NYAP2: variants seen among roughly 807,000 people sequenced by gnomAD.
The protein encoded by NYAP2 is neuronal tyrosine-phosphorylated phosphoinositide-3-kinase adapter 2.
NYAP2 carries 23 observed loss-of-function variants against 50.4 expected under a neutral mutation model. The ratio of observed to expected loss-of-function variants is 0.46; its 90% CI spans 0.33 to 0.65. NYAP2 has a LOEUF of 0.65. NYAP2 is among the 30% of genes least tolerant of loss of function. NYAP2 has a pLI of 0.02. For synonymous variants in NYAP2, 394 were observed against 365.2 expected, an observed-to-expected ratio of 1.08 and a Z score of -0.90; for missense variants, 885 against 861.0, an observed-to-expected ratio of 1.03 and a Z score of -0.35.
At chr2:225,651,793 C>T (rs1167981502) in exon 7 of NYAP2, 9 of 516,996 alleles carry the variant, frequency 1.7e-5, no homozygotes, top group Non-Finnish European at 3.0e-5. Flanking sequence ...CTCTGGTTTC[C>T]ATCATTCTGT....
chr2:225,512,997 A>G (rs73082983), intron 3 of NYAP2, among the ~76,000 whole-genome samples: 9 of 151,930 alleles, frequency 5.9e-5, no homozygotes, highest in African/African-American at 1.9e-4. Context: ...AAAAGCAGGA[A>G]TGGTTTTGAT....
intron 4 of NYAP2, among the ~76,000 whole-genome samples, chr2:225,536,316 A>G (rs558854414): frequency 6.2e-4 from 95 of 152,300 alleles, no homozygotes; most frequent in Admixed American, 1.5e-3. Context: ...TCTTGCCCTG[A>G]AAAATTCACC....
At chr2:225,679,968 G>A in the NYAP2 span, among the ~76,000 whole-genome samples, 2 of 152,024 alleles carry the variant, frequency 1.3e-5, no homozygotes, top group Non-Finnish European at 2.9e-5. Context: ...GTAATATATA[G>A]TCATAAATAT....
chr2:225,489,707 G>T (rs1489961298), intron 3 of NYAP2, among the ~76,000 whole-genome samples: 1 of 152,168 alleles, frequency 6.6e-6, no homozygotes, highest in Non-Finnish European at 1.5e-5. Flanking sequence ...AGCCAGCAGG[G>T]TATCCTCCTT....
intron 3 of NYAP2, among the ~76,000 whole-genome samples, chr2:225,412,731 G>A (rs1695067741): frequency 6.6e-6 from 1 of 152,154 alleles, no homozygotes; most frequent in African/African-American, 2.4e-5. Flanking sequence ...AAGCTGCCAA[G>A]TGGAGAAGAG....
intron 4 of NYAP2, among the ~76,000 whole-genome samples, chr2:225,537,193 T>G (rs1166068364): frequency 1.3e-5 from 2 of 152,182 alleles, no homozygotes; most frequent in Non-Finnish European, 1.5e-5. Flanking sequence ...CTTCATTTAA[T>G]TTTTAGCTCC....
At chr2:225,567,324 G>T (rs1055164779) in intron 4 of NYAP2, among the ~76,000 whole-genome samples, 3 of 151,504 alleles carry the variant, frequency 2.0e-5, no homozygotes, top group Admixed American at 6.6e-5. Flanking sequence ...TGAAAGTGGA[G>T]GAAAGAAAAA....
In NYAP2 at chr2:225,553,807, C is replaced by T. The variant is rs141266978; in HGVS notation, c.524-28134C>T. Among the ~76,000 whole-genome samples, 24 of 152,160 alleles carry T rather than the reference C, an allele frequency of 1.6e-4. No individual in the cohort carries two copies. In the East Asian group the frequency reaches 4.3e-3, roughly 27 times the overall value. ...ATTCCAGCATTTTGGGAGGCTGAGG[C>T]GGGTGGATCACATGAGGTCAGGAGT... On this transcript the variant is annotated intron_variant, in intron 4 of 6. Transcript: ENST00000636099.
At chr2:225,657,874 A>G (rs1374738125), downstream of NYAP2, among the ~76,000 whole-genome samples, 1 of 152,216 alleles carries the variant, frequency 6.6e-6, no homozygotes, top group Non-Finnish European at 1.5e-5. Flanking sequence ...GGAATGAGAT[A>G]GCCACAGAAT....
chr2:225,445,232 T>C (rs1336803120), intron 3 of NYAP2, among the ~76,000 whole-genome samples: 1 of 152,184 alleles, frequency 6.6e-6, no homozygotes, highest in Non-Finnish European at 1.5e-5. Context: ...ACCTAAAGTA[T>C]GTAAAAATTT....
At chr2:225,424,734 T>C (rs2106129157) in intron 3 of NYAP2, among the ~76,000 whole-genome samples, 1 of 152,232 alleles carries the variant, frequency 6.6e-6, no homozygotes, top group South Asian at 2.1e-4. Context: ...ATTGACTTAG[T>C]TCTCATAAAT....
chr2:225,622,586 C>CTTT (rs1352919888), intron 5 of NYAP2, among the ~76,000 whole-genome samples: 2 of 103,622 alleles, frequency 1.9e-5, no homozygotes, highest in African/African-American at 3.6e-5. Flanking sequence ...TTTCTTCTTT[C>CTTT]TTTTTTTTTT....
At position 225,570,891 on chromosome 2, in the gene NYAP2, G is replaced by A. The variant is rs568239162; in HGVS notation, c.524-11050G>A. On this transcript the variant is annotated intron_variant, in intron 4 of 6. Transcript: ENST00000636099. ...GCAAGTCCCTTCCACCTATGAGCCT[G>A]TAAAATCAAAGCAAGTTAGTTACTT... 5.3e-5 allele frequency among the ~76,000 whole-genome samples: 8 copies of A among 152,312 alleles called. 1 individual carries two copies. The South Asian group carries it at 1.4e-3, about 28-fold the overall frequency.
At chr2:225,447,217 C>A (rs1475890038) in intron 3 of NYAP2, among the ~76,000 whole-genome samples, 1 of 152,188 alleles carries the variant, frequency 6.6e-6, no homozygotes, top group African/African-American at 2.4e-5. Flanking sequence ...CAACAGGATA[C>A]TTCCTAGTGG....
At chr2:225,668,956 C>CTTTT in the NYAP2 span, among the ~76,000 whole-genome samples, 22 of 69,570 alleles carry the variant, frequency 3.2e-4, 1 homozygote, top group African/African-American at 1.1e-3. Context: ...GTGTCCCCTG[C>CTTTT]TTTTTTTTTT....
In NYAP2 at chr2:225,582,362, C is replaced by A. The variant is rs764777290; in HGVS notation, c.945C>A (p.Pro315=). 14 of 1,612,502 alleles carry A rather than the reference C, an allele frequency of 8.7e-6. No homozygotes were observed. In the Admixed American group the frequency reaches 1.2e-4, roughly 13 times the overall value. The change falls in exon 5 of 7, where the codon CCC becomes CCA. Residue 315 remains proline (P), a synonymous_variant. Transcript: ENST00000636099. This position sits in a 1 kb window ranked among gnomAD's most constrained non-coding sequence, Gnocchi z 7.0. ...CCAAGGCCTCAGTGCCATGCCCCCC[C>A]AAGGGGCTGCTTTGCGACATCCCTC...
chr2:225,561,011 C>T (rs1691862589), intron 4 of NYAP2, among the ~76,000 whole-genome samples: 1 of 148,660 alleles, frequency 6.7e-6, no homozygotes, highest in Admixed American at 6.8e-5. Context: ...CTATGACAGG[C>T]ATTGCTGCAG....
At chr2:225,650,231 A>C (rs1386023425) in intron 6 of NYAP2, among the ~76,000 whole-genome samples, 2 of 152,208 alleles carry the variant, frequency 1.3e-5, no homozygotes. Context: ...CCATTCATGC[A>C]ATGCAGATAT....
intron 3 of NYAP2, among the ~76,000 whole-genome samples, chr2:225,422,859 C>A (rs896228440): frequency 1.3e-5 from 2 of 152,164 alleles, no homozygotes; most frequent in South Asian, 2.1e-4. Flanking sequence ...GTGAACGATT[C>A]TTTTTAATGA....
Sources: gnomAD v4.1 joint callset for allele counts (sites outside exome capture counted in the v4.1 genomes callset) on GRCh38, gnomAD v4.1.1 for gene constraint, Gnocchi (gnomAD v3.1) non-coding constraint, MANE v1.5 for transcripts, NCBI Gene and HGNC (gene_info 2026-07-23, HGNC 2026-07-21) for gene names.